The following NRXN2 variants were observed in gnomAD, a reference collection of about 807,000 sequenced individuals.
The protein encoded by NRXN2 is neurexin-2-beta.
NRXN2 carries 29 observed loss-of-function variants against 128.8 expected under a neutral mutation model. The ratio of observed to expected loss-of-function variants is 0.23; its 90% confidence interval spans 0.17 to 0.31. The LOEUF (loss-of-function observed/expected upper bound fraction) is 0.31, where lower values mean the gene tolerates loss of function less well. Ranked by LOEUF, NRXN2 falls within the 10% of genes least tolerant of loss-of-function variation. NRXN2 has a pLI of 1.00. For missense variants in NRXN2, 1,881 were observed against 2,452.6 expected, an observed-to-expected ratio of 0.77 and a Z score of 4.92; for synonymous variants, 1,098 against 1,075.2, an observed-to-expected ratio of 1.02 and a Z score of -0.41.
chr11:64,689,529 G>A (rs1226892250), intron 5 of NRXN2, among the ~76,000 whole-genome samples: 1 of 152,146 alleles, frequency 6.6e-6, no homozygotes, highest in East Asian at 1.9e-4. Context: ...CTACTTATGT[G>A]CCAAGAGCTG....
intron 17 of NRXN2, chr11:64,642,790 C>T: frequency 8.6e-7 from 1 of 1,159,116 alleles, no homozygotes; most frequent in East Asian, 4.0e-5. Context: ...CGGCCCGCTC[C>T]CCCCGGGGGG....
intron 22 of NRXN2, among the ~76,000 whole-genome samples, chr11:64,615,829 C>CGTGTGT (rs34781745): frequency 5.1e-4 from 71 of 139,106 alleles, no homozygotes; most frequent in African/African-American, 1.5e-3. Context: ...TAGGCCCAAG[C>CGTGTGT]GTGTGTGTGT....
rs536667727 is a variant in NRXN2 at position 64,711,526 on chromosome 11, T to C, written c.730+1444A>G. On this transcript the variant is annotated intron_variant, in intron 2 of 22. Coordinates refer to ENST00000265459, the MANE Select transcript of NRXN2 (RefSeq NM_015080.4). ...ACACCACAGCCCCGCCCCGGGCCGC[T>C]CAGCCCAGGACCCGCCCGCACTTCA... 2.9e-4 allele frequency among the ~76,000 whole-genome samples: 44 copies of C among 150,648 alleles called. No homozygotes were observed. In the East Asian group the frequency reaches 5.4e-3, roughly 18 times the overall value.
chr11:64,708,756 A>G (rs2056594677), intron 2 of NRXN2, among the ~76,000 whole-genome samples: 1 of 152,236 alleles, frequency 6.6e-6, no homozygotes, highest in South Asian at 2.1e-4. Context: ...TGTATATTTT[A>G]TTAACCACAA....
intron 3 of NRXN2, among the ~76,000 whole-genome samples, chr11:64,697,572 A>T (rs2054730167): frequency 6.6e-6 from 1 of 152,104 alleles, no homozygotes; most frequent in African/African-American, 2.4e-5. Context: ...AAGAAAGGCC[A>T]GTCAGCAGCT....
chr11:64,706,952 ATT>A (rs371730762), intron 2 of NRXN2, among the ~76,000 whole-genome samples: 1,623 of 135,094 alleles, frequency 0.012, 8 homozygotes, highest in Non-Finnish European at 0.016. Flanking sequence ...GTGTATCCCC[ATT>A]TTTTTTTTTT....
intron 22 of NRXN2, among the ~76,000 whole-genome samples, chr11:64,616,661 G>A (rs149681180): frequency 1.3e-5 from 2 of 152,194 alleles, no homozygotes; most frequent in Non-Finnish European, 2.9e-5. Flanking sequence ...GTCCTGTCCT[G>A]AGTGCCTGCA....
At chr11:64,646,435 T>G (rs1047113773) in intron 17 of NRXN2, 1 of 152,294 alleles carries the variant, frequency 6.6e-6, no homozygotes, top group African/African-American at 2.4e-5. Flanking sequence ...TGATCCTGAT[T>G]TCTTCCACCC....
intron 1 of NRXN2, among the ~76,000 whole-genome samples, chr11:64,721,672 G>C (rs1469987559): frequency 6.6e-6 from 1 of 152,026 alleles, no homozygotes; most frequent in Non-Finnish European, 1.5e-5. Flanking sequence ...TTCTCTGGCA[G>C]AAGACAGAGA....
At chr11:64,693,525 G>C (rs1194540484) in intron 3 of NRXN2, among the ~76,000 whole-genome samples, 1 of 152,106 alleles carries the variant, frequency 6.6e-6, no homozygotes, top group Admixed American at 6.5e-5. Context: ...TGGTAGAAAA[G>C]GGGGAAAGAT....
In NRXN2 at chr11:64,713,303, G is replaced by T; in HGVS notation, c.397C>A (p.Arg133Ser). Residue 133 changes from arginine to serine, a missense_variant, in exon 2 of 23, where the codon CGC becomes AGC. Coordinates refer to ENST00000265459, the MANE Select transcript of NRXN2 (RefSeq NM_015080.4). The stretch of plus-strand genomic sequence containing the variant: ...CGCTTGGAGCGCACCTCGGCGGCGC[G>T]GGCCTCGCCGTCCACCGCCAGCGCC... ...RTALAVDGEA[R>S]AAEVRSKRRE... The T allele has an allele frequency of 7.3e-7, 1 of 1,362,202 alleles. No individual in the cohort carries two copies. Among genetic ancestry groups the T allele is most frequent in the Non-Finnish European group, 9.4e-7 (1 of 1,063,592 alleles). The allele number at this position is 1,362,202 out of a possible 1,614,324, so 84.4% of individuals were successfully genotyped here.
In NRXN2 at chr11:64,648,375, G is replaced by T. The variant is rs780628019; in HGVS notation, c.3284-37C>A. The stretch of plus-strand genomic sequence containing the variant: ...AGGAGAAAGGAACACCCCTGGCTCA[G>T]CCAAGCCCCCTCTTTCCCCAGGAGG... On this transcript the variant is annotated intron_variant, in intron 16 of 22. Transcript: ENST00000265459. The surrounding 1 kb of genome is among the most constrained non-coding windows in gnomAD (Gnocchi z 4.1). The T allele has an allele frequency of 6.2e-7, 1 of 1,613,724 alleles. No homozygotes were observed. The highest frequency in any genetic ancestry group is 1.1e-5 in the South Asian group (1 of 91,080).
intron 18 of NRXN2, among the ~76,000 whole-genome samples, chr11:64,633,052 A>G (rs1402270387): frequency 6.6e-6 from 1 of 152,022 alleles, no homozygotes; most frequent in African/African-American, 2.4e-5. Flanking sequence ...GGCTCCTCTC[A>G]TGGACCCCCA....
intron 18 of NRXN2, among the ~76,000 whole-genome samples, chr11:64,634,333 G>T (rs370743252): frequency 1.9e-4 from 29 of 152,272 alleles, no homozygotes; most frequent in African/African-American, 6.7e-4. Flanking sequence ...TGAGGACTGT[G>T]GGGAGGGGTC....
In NRXN2 at chr11:64,714,269, G is replaced by A. The variant is rs968262436; in HGVS notation, c.-244-326C>T. Among the ~76,000 whole-genome samples the A allele has an allele frequency of 6.6e-6, 1 of 152,060 alleles. No individual in the cohort carries two copies. The highest frequency in any genetic ancestry group is 1.5e-5 in the Non-Finnish European group (1 of 68,020). On this transcript the variant is annotated intron_variant, in intron 1 of 22. Coordinates refer to ENST00000265459, the MANE Select transcript of NRXN2 (RefSeq NM_015080.4). The surrounding 1 kb of genome is among the most constrained non-coding windows in gnomAD (Gnocchi z 4.5). ...GACCCCAGTGTCAGGAAGGACCAAGGCCAGCTCCTTGAGCGAGGCCTGGGA... is the reference window on the plus strand; with the variant it reads ...GACCCCAGTGTCAGGAAGGACCAAGACCAGCTCCTTGAGCGAGGCCTGGGA...
chr11:64,619,836 A>T (rs1485062881), intron 22 of NRXN2, among the ~76,000 whole-genome samples: 1 of 152,174 alleles, frequency 6.6e-6, no homozygotes, highest in Non-Finnish European at 1.5e-5. Context: ...CCAGGAGAAG[A>T]GGAGGGCCCA....
chr11:64,690,593 G>A, intron 4 of NRXN2, 117 bp from the exon 5 acceptor site: 1 of 906,220 alleles, frequency 1.1e-6, no homozygotes, highest in Non-Finnish European at 1.8e-6. Flanking sequence ...GGACAGGGGA[G>A]GAGAGGCTTT....
Position 64,685,926 on chromosome 11 carries a change from G to A in NRXN2, c.872C>T (p.Thr291Ile), listed in dbSNP as rs746242628. 1 of 1,614,034 alleles carries A rather than the reference G, an allele frequency of 6.2e-7. No individual in the cohort carries two copies. Among genetic ancestry groups the A allele is most frequent in the African/African-American group, 1.3e-5 (1 of 74,916 alleles). ...PTKGKEEFVA[T>I]FKGNEFFCYD... ...GCAGAAGAACTCATTGCCTTTGAAG[G>A]TCGCCACAAACTCCTCCTTGCCTGG... Residue 291 changes from threonine to isoleucine, a missense_variant, in exon 6 of 23, where the codon ACC (threonine) becomes ATC (isoleucine). By Grantham distance (89) the Thr-to-Ile change is moderately conservative. Transcript: ENST00000265459.
At chr11:64,703,351 C>T (rs1315016305) in intron 2 of NRXN2, among the ~76,000 whole-genome samples, 1 of 152,114 alleles carries the variant, frequency 6.6e-6, no homozygotes, top group Admixed American at 6.5e-5. Context: ...TTCCTTTACC[C>T]GCCACTGCTA....
Sources: gnomAD v4.1 joint callset for allele counts (sites outside exome capture counted in the v4.1 genomes callset) on GRCh38, gnomAD v4.1.1 for gene constraint, Gnocchi (gnomAD v3.1) non-coding constraint, MANE v1.5 for transcripts, NCBI Gene and HGNC (gene_info 2026-07-23, HGNC 2026-07-21) for gene names.